STK40: variants seen among roughly 807,000 people sequenced by gnomAD.
STK40 encodes the protein serine/threonine-protein kinase 40.
STK40 carries 13 observed loss-of-function variants against 47.9 expected under a neutral mutation model. The ratio of observed to expected loss-of-function variants is 0.27; its 90% confidence interval spans 0.18 to 0.43. The LOEUF is 0.43. Among genes scored for constraint, STK40 ranks in the 20% least tolerant of loss-of-function variants. The pLI is 1.00. For synonymous variants in STK40, 225 were observed against 243.2 expected (o/e 0.93, Z 0.69); for missense variants, 460 against 595.1 (o/e 0.77, Z 2.36).
intron 1 of STK40, among the ~76,000 whole-genome samples, chr1:36,379,790 T>G (rs771188793): frequency 6.6e-6 from 1 of 152,086 alleles, no homozygotes; most frequent in Non-Finnish European, 1.5e-5. Context: ...GCTGCCCCAA[T>G]TTATTAAAAG....
intron 7 of STK40, among the ~76,000 whole-genome samples, chr1:36,345,146 C>T (rs1646688626): frequency 6.6e-6 from 1 of 152,256 alleles, no homozygotes; most frequent in Admixed American, 6.5e-5. Context: ...TTTGAAAGCT[C>T]TTGGCCCTGC....
At chr1:36,374,352 G>A (rs1646974272) in intron 1 of STK40, among the ~76,000 whole-genome samples, 1 of 152,266 alleles carries the variant, frequency 6.6e-6, no homozygotes, top group Non-Finnish European at 1.5e-5. Context: ...AAAAGTCTCA[G>A]GGCTGTGCAC....
chr1:36,344,799 A>G (rs914441698), intron 7 of STK40, among the ~76,000 whole-genome samples: 7 of 152,238 alleles, frequency 4.6e-5, no homozygotes, highest in Non-Finnish European at 8.8e-5. Flanking sequence ...CACGGACCCA[A>G]GTATTTGCTA....
rs774307640 is a variant in STK40, at chr1:36,358,358, C to A, written c.223G>T (p.Asp75Tyr). The A allele has an allele frequency of 4.4e-6, 7 of 1,604,090 alleles. No individual in the cohort carries two copies. The highest frequency in any genetic ancestry group is 2.2e-5 in the East Asian group (1 of 44,548). Residue 75 changes from aspartate (D) to tyrosine (Y), a missense_variant, in exon 4 of 11, where the codon GAC (aspartate) becomes TAC (tyrosine). Around this residue, in one of 3 missense-constraint regions of STK40, gnomAD observed 277 missense variants for 358.7 expected, o/e 0.77. Transcript: ENST00000373132. ...TCTTCCTGGCTCTCTATGCCTTGGT[C>A]CCCCCTCTCCTCCAGGGTCAGGATC... ...LKILTLEERG[D>Y]QGIESQEERQ... is the part of the protein sequence containing the mutation.
chr1:36,344,373 C>T, intron 7 of STK40, 109 bp from the exon 8 acceptor site: 5 of 1,417,874 alleles, frequency 3.5e-6, no homozygotes, highest in Admixed American at 2.5e-5. Flanking sequence ...TTCCAGTCCC[C>T]CCAGAGTCGT....
intron 7 of STK40, among the ~76,000 whole-genome samples, chr1:36,345,991 A>ATATATATATATTT: frequency 3.8e-5 from 1 of 26,466 alleles, no homozygotes; most frequent in African/African-American, 1.4e-4. Flanking sequence ...ATATATATAT[A>ATATATATATATTT]TTTTTTTTTT....
chr1:36,341,805 T>C lies in STK40; in HGVS notation c.1258A>G (p.Met420Val). 1.2e-6 allele frequency: 2 copies of C among 1,613,138 alleles called. No homozygotes were observed. The highest frequency in any genetic ancestry group is 1.7e-6 in the Non-Finnish European group (2 of 1,179,954). ...AGGATGGCCGTGTCCAAGGAGGTCA[T>C]GGGCTGTGCGTCGTGGCCCAGCCGT... ...VRRLGHDAQP[M>V]TSLDTAILAQ... Residue 420 changes from methionine to valine, a missense_variant, in exon 11 of 11, where the codon ATG becomes GTG. By Grantham distance (21) the Met-to-Val change is conservative (BLOSUM62 1). Coordinates refer to ENST00000373132, the MANE Select transcript of STK40 (RefSeq NM_001282547.2).
At chr1:36,342,991 G>A (rs1388414857) in intron 10 of STK40, 6 of 593,790 alleles carry the variant, frequency 1.0e-5, no homozygotes, top group African/African-American at 1.9e-5. Context: ...AAAGAAATAG[G>A]GAGAAATGAA....
chr1:36,341,497 A>G lies in STK40; in HGVS notation c.*258T>C. The stretch of plus-strand genomic sequence containing the variant: ...AGCATGGTTAAAGAGACAGAGGTAG[A>G]TTAAAACATCGTGATTAAAAGCAGA... On this transcript the variant is annotated 3_prime_UTR_variant, in exon 11 of 11. Transcript: ENST00000373132. The G allele has an allele frequency of 1.9e-6, 1 of 519,836 alleles. No homozygotes were observed. The highest frequency in any genetic ancestry group is 2.1e-5 in the South Asian group (1 of 47,070). The allele number at this position is 519,836 out of a possible 1,614,324, so 32.2% of individuals were successfully genotyped here. A position where few individuals can be genotyped will look rare whatever the true frequency, so the allele number is the denominator to read the frequency against.
rs1646851481 is a variant in STK40, at chr1:36,361,431, T to A, written c.-8-91A>T. 5 of 1,568,078 alleles carry A rather than the reference T, an allele frequency of 3.2e-6. No homozygotes were observed. In the Admixed American group the frequency reaches 9.1e-5, roughly 29 times the overall value. On this transcript the variant is annotated intron_variant, in intron 1 of 10. Transcript: ENST00000373132. The stretch of plus-strand genomic sequence containing the variant: ...CTGCAGGCCTTTGACTTGGGATGCA[T>A]CACACAGCTGCCGCTGCTGCCTCCA...
At chr1:36,361,454 C>A (rs1399426312) in intron 1 of STK40, 114 bp from the exon 2 acceptor site, 1 of 1,512,974 alleles carries the variant, frequency 6.6e-7, no homozygotes, top group Non-Finnish European at 8.8e-7. Flanking sequence ...GCTGCTGCCT[C>A]CAACTCCTCC....
chr1:36,363,794 G>A (rs1430121753), intron 1 of STK40, among the ~76,000 whole-genome samples: 1 of 139,240 alleles, frequency 7.2e-6, no homozygotes, highest in African/African-American at 2.7e-5. Flanking sequence ...CAGCCTGGGT[G>A]ACAGAGTGAG....
At chr1:36,369,695 C>T (rs572120056) in intron 1 of STK40, among the ~76,000 whole-genome samples, 2 of 152,316 alleles carry the variant, frequency 1.3e-5, no homozygotes, top group South Asian at 2.1e-4. Flanking sequence ...ACACCTCCGT[C>T]CCCTCCCACT....
chr1:36,363,621 A>G (rs1338673777), intron 1 of STK40, among the ~76,000 whole-genome samples: 5 of 149,782 alleles, frequency 3.3e-5, no homozygotes, highest in African/African-American at 4.9e-5. Flanking sequence ...CCTGGCTAAC[A>G]CTGTGAAACC....
At chr1:36,377,389 C>T (rs542142310) in intron 1 of STK40, among the ~76,000 whole-genome samples, 4 of 151,520 alleles carry the variant, frequency 2.6e-5, no homozygotes, top group South Asian at 2.1e-4. Flanking sequence ...AAAAATTAGC[C>T]GGGTGTGGTG....
chr1:36,367,289 C>T (rs995045561), intron 1 of STK40, among the ~76,000 whole-genome samples: 2 of 152,134 alleles, frequency 1.3e-5, no homozygotes, highest in African/African-American at 4.8e-5. Context: ...CTCCGCCGTC[C>T]GCAGGCTGTA....
At chr1:36,368,615 T>C (rs571177468) in intron 1 of STK40, among the ~76,000 whole-genome samples, 5 of 152,206 alleles carry the variant, frequency 3.3e-5, no homozygotes, top group East Asian at 1.9e-4. Context: ...CAAACCCAAA[T>C]TGAAGGACAT....
intron 1 of STK40, among the ~76,000 whole-genome samples, chr1:36,374,683 A>G (rs1646977128): frequency 6.6e-6 from 1 of 152,178 alleles, no homozygotes; most frequent in African/African-American, 2.4e-5. Context: ...CCATCCAGAG[A>G]GGTAGCCTGG....
intron 1 of STK40, among the ~76,000 whole-genome samples, chr1:36,372,037 T>C (rs561503884): frequency 6.6e-6 from 1 of 152,202 alleles, no homozygotes; most frequent in Admixed American, 6.5e-5. Context: ...ACATGTTTAG[T>C]CCAGACACAA....
Sources: allele counts gnomAD v4.1 joint callset (sites outside exome capture counted in the v4.1 genomes callset), GRCh38; gene constraint gnomAD v4.1.1; regional missense constraint gnomAD v4.1.1; transcripts MANE v1.5; gene names NCBI Gene and HGNC (gene_info 2026-07-23, HGNC 2026-07-21).